Variants in KIF17 observed in about 807,000 individuals in gnomAD.
KIF17 encodes the protein kinesin family member 17.
Under a neutral mutation model 96.8 loss-of-function variants are expected in KIF17, and 80 were observed. That is an observed-to-expected ratio of 0.83 (90% CI 0.69 to 1.00). The LOEUF is 1.00. Among genes scored for constraint, KIF17 ranks in the 50% least tolerant of loss-of-function variants. The pLI is 0.00. For missense variants in KIF17, 1,280 were observed against 1,372.9 expected, an observed-to-expected ratio of 0.93 and a Z score of 1.07; for synonymous variants, 567 against 587.5, an observed-to-expected ratio of 0.97 and a Z score of 0.51.
At chr1:20,713,390 G>A (rs2054516552) in intron 3 of KIF17, 64 bp downstream of exon 3, 1 of 1,164,866 alleles carries the variant, frequency 8.6e-7, no homozygotes, top group South Asian at 1.2e-5. Context: ...ATTTCTGAGG[G>A]AGCAGCACCA....
chr1:20,664,330 GA>G lies in KIF17; in HGVS notation c.*253del. Reference sequence around the variant, plus strand: ...GGGCTCTGTGGCAGGTGAGCAGACGGAAACACTGATGTGGTATGAACAGCTG... The same window carrying G: ...GGGCTCTGTGGCAGGTGAGCAGACGGAACACTGATGTGGTATGAACAGCTG... On this transcript the variant is annotated 3_prime_UTR_variant, in exon 15 of 15. Coordinates refer to ENST00000400463, the MANE Select transcript of KIF17 (RefSeq NM_001122819.3). The G allele has an allele frequency of 7.1e-7, 1 of 1,400,048 alleles. No individual in the cohort carries two copies. The highest frequency in any genetic ancestry group is 9.3e-7 in the Non-Finnish European group (1 of 1,076,892). The allele number at this position is 1,400,048 out of a possible 1,614,324, so 86.7% of individuals were successfully genotyped here. A position where few individuals can be genotyped will look rare whatever the true frequency, so the allele number is the denominator to read the frequency against.
At chr1:20,684,744 T>C in intron 10 of KIF17, 65 bp downstream of exon 10, 1 of 1,474,054 alleles carries the variant, frequency 6.8e-7, no homozygotes, top group South Asian at 1.2e-5. Flanking sequence ...CCCGCCTCCA[T>C]CCTGGAAGGC....
At chr1:20,712,882 A>ATAGAAATATTATCTATATC (rs1553153031) in intron 3 of KIF17, among the ~76,000 whole-genome samples, 1 of 83,208 alleles carries the variant, frequency 1.2e-5, no homozygotes, top group African/African-American at 5.9e-5. Context: ...TTATCTATAT[A>ATAGAAATATTATCTATATC]TAATATAGAT....
rs558640559 is a variant in KIF17 at position 20,688,940 on chromosome 1, A to AG, written c.1382-997dup. ...CATGGGCCCCTTAGTGCTCCAGTTC[A>AG]GGGGGCTCCCGGCGCCTCTCATACC... On this transcript the variant is annotated intron_variant, in intron 7 of 14. Coordinates refer to ENST00000400463, the MANE Select transcript of KIF17 (RefSeq NM_001122819.3). Among the ~76,000 whole-genome samples, 8 of 152,270 alleles carry AG rather than the reference A, an allele frequency of 5.3e-5. No homozygotes were observed. In the South Asian group the frequency reaches 1.7e-3, roughly 32 times the overall value.
Position 20,664,394 on chromosome 1 carries a change from G to C in KIF17, c.*190C>G. 2.0e-6 allele frequency: 3 copies of C among 1,488,706 alleles called. No homozygotes were observed. Among genetic ancestry groups the C allele is most frequent in the Non-Finnish European group, 2.7e-6 (3 of 1,123,732 alleles). 92.2% of individuals were successfully genotyped at this position (1,488,706 alleles called of 1,614,324 possible). A position where few individuals can be genotyped will look rare whatever the true frequency, so the allele number is the denominator to read the frequency against. On this transcript the variant is annotated 3_prime_UTR_variant, in exon 15 of 15. Transcript: ENST00000400463. ...CTAAGGAGGACTATACAGCCTCCGA[G>C]GGGCTCCTGCCCAGGGCGGAGGTGG...
intron 1 of KIF17, 200 bp downstream of exon 1, chr1:20,717,276 A>G (rs753388174): frequency 8.5e-5 from 51 of 600,294 alleles, no homozygotes; most frequent in Middle Eastern, 4.4e-4. Flanking sequence ...CGCTGGGGAT[A>G]GTGCAGACCC....
At chr1:20,713,257 A>G (rs1394460541) in intron 3 of KIF17, among the ~76,000 whole-genome samples, 197 bp downstream of exon 3, 2 of 150,802 alleles carry the variant, frequency 1.3e-5, no homozygotes, top group African/African-American at 4.9e-5. Context: ...TGGCCTCCCA[A>G]AGTGTTAGGA....
intron 1 of KIF17, 127 bp downstream of exon 1, chr1:20,717,349 C>G (rs1045361040): frequency 3.8e-6 from 4 of 1,041,970 alleles, no homozygotes; most frequent in Non-Finnish European, 5.6e-6. Context: ...CCGGACCTAC[C>G]TGTTCCCGTC....
At position 20,704,845 on chromosome 1, in the gene KIF17, G is replaced by A. The variant is rs758850766; in HGVS notation, c.725C>T (p.Ala242Val). 4 of 1,604,176 alleles carry A rather than the reference G, an allele frequency of 2.5e-6. No individual in the cohort carries two copies. The highest frequency in any genetic ancestry group is 3.4e-6 in the Non-Finnish European group (4 of 1,179,886). The change falls in exon 5 of 15, where the codon GCG (alanine) becomes GTG (valine). Residue 242 changes from alanine to valine, a missense_variant. By Grantham distance (64) the Ala-to-Val change is moderately conservative. Transcript: ENST00000400463. This position sits in a 1 kb window ranked among gnomAD's most constrained non-coding sequence, Gnocchi z 6.8. ...GGTCTTGGACTGCCGCTCGCTGCCC[G>A]CCAGGTCCACCAGGTTCAGCTTGCC... ...RAGKLNLVDL[A>V]GSERQSKTGA...
Position 20,709,523 on chromosome 1 carries a change from T to C in KIF17, c.670+116A>G. ...TCCTCTTGGGTTTCCTCCAGGCTGT[T>C]AGAGCATCTCTTCCCACTTTCCAGG... On this transcript the variant is annotated intron_variant, in intron 4 of 14. Transcript: ENST00000400463. The surrounding 1 kb of genome is among the most constrained non-coding windows in gnomAD (Gnocchi z 4.7). 5 of 1,148,694 alleles carry C rather than the reference T, an allele frequency of 4.4e-6. No individual in the cohort carries two copies. Among genetic ancestry groups the C allele is most frequent in the Non-Finnish European group, 6.5e-6 (5 of 768,364 alleles). The allele number at this position is 1,148,694 out of a possible 1,614,324, so 71.2% of individuals were successfully genotyped here.
chr1:20,700,443 G>T lies in KIF17; in HGVS notation c.1124-1955C>A, dbSNP rs1451632706. 6.6e-6 allele frequency among the ~76,000 whole-genome samples: 1 copy of T among 152,206 alleles called. No individual in the cohort carries two copies. Among genetic ancestry groups the T allele is most frequent in the African/African-American group, 2.4e-5 (1 of 41,460 alleles). On this transcript the variant is annotated intron_variant, in intron 5 of 14. Coordinates refer to ENST00000400463, the MANE Select transcript of KIF17 (RefSeq NM_001122819.3). This position sits in a 1 kb window ranked among gnomAD's most constrained non-coding sequence, Gnocchi z 4.6. ...ACTGGATGTAGATTTGAGAGAACGT[G>T]AGAAGCCAGGGGCGACCCCAAGTGT...
Position 20,704,869 on chromosome 1 carries a change from C to T in KIF17, c.701G>A (p.Gly234Asp), listed in dbSNP as rs2154537263. The T allele has an allele frequency of 1.2e-6, 2 of 1,601,978 alleles. No homozygotes were observed. Residue 234 changes from glycine to aspartate, a missense_variant, in exon 5 of 15, where the codon GGC becomes GAC. Gly to Asp is a moderately conservative substitution (Grantham distance 94, BLOSUM62 -1). Coordinates refer to ENST00000400463, the MANE Select transcript of KIF17 (RefSeq NM_001122819.3). This position sits in a 1 kb window ranked among gnomAD's most constrained non-coding sequence, Gnocchi z 6.8. ...DERGKDHLRA[G>D]KLNLVDLAGS... ...CGCCAGGTCCACCAGGTTCAGCTTG[C>T]CCGCCCGGAGGTGGTCCTTGCCCCG...
chr1:20,703,170 G>GATGA (rs1553151974), intron 5 of KIF17, among the ~76,000 whole-genome samples: 77 of 145,086 alleles, frequency 5.3e-4, no homozygotes, highest in Non-Finnish European at 8.9e-4. Context: ...GATGGAGATG[G>GATGA]ATGGATGAAT....
chr1:20,709,576 G>A lies in KIF17; in HGVS notation c.670+63C>T, dbSNP rs1179467517. On this transcript the variant is annotated intron_variant, in intron 4 of 14. Transcript: ENST00000400463. This position sits in a 1 kb window ranked among gnomAD's most constrained non-coding sequence, Gnocchi z 4.7. ...CTCCTGCGGCCCCGAGAGGTGGCGT[G>A]CCTTGGCTAGTGGGAGTGGCTGGGT... 1.3e-6 allele frequency: 2 copies of A among 1,583,554 alleles called. No individual in the cohort carries two copies. The highest frequency in any genetic ancestry group is 1.1e-5 in the South Asian group (1 of 90,396).
chr1:20,667,275 T>C (rs2053546160), intron 13 of KIF17, among the ~76,000 whole-genome samples: 1 of 152,120 alleles, frequency 6.6e-6, no homozygotes, highest in South Asian at 2.1e-4. Context: ...GCAAACCCTA[T>C]TGTGAACTGC....
intron 6 of KIF17, among the ~76,000 whole-genome samples, chr1:20,691,946 T>C (rs2054046641): frequency 6.6e-6 from 1 of 152,230 alleles, no homozygotes; most frequent in African/African-American, 2.4e-5. Flanking sequence ...CCATCTTTGC[T>C]ATCACTGCCA....
chr1:20,663,220 A>G (rs1179501515), downstream of KIF17, among the ~76,000 whole-genome samples: 1 of 152,136 alleles, frequency 6.6e-6, no homozygotes, highest in African/African-American at 2.4e-5. Flanking sequence ...AGCGAGACTC[A>G]GTCTCAAAGA....
At chr1:20,684,004 C>T (rs1226478618) in intron 10 of KIF17, among the ~76,000 whole-genome samples, 7 of 152,270 alleles carry the variant, frequency 4.6e-5, no homozygotes, top group Non-Finnish European at 8.8e-5. Context: ...GGCTGCCACG[C>T]TGCAGGCAAT....
intron 7 of KIF17, among the ~76,000 whole-genome samples, chr1:20,689,204 C>T (rs2053992816): frequency 6.6e-6 from 1 of 152,132 alleles, no homozygotes; most frequent in Non-Finnish European, 1.5e-5. Flanking sequence ...GGTAATGTGC[C>T]AACAAGCGGT....
Sources: gnomAD v4.1 joint callset for allele counts (sites outside exome capture counted in the v4.1 genomes callset) on GRCh38, gnomAD v4.1.1 for gene constraint, Gnocchi (gnomAD v3.1) non-coding constraint, MANE v1.5 for transcripts, NCBI Gene and HGNC (gene_info 2026-07-23, HGNC 2026-07-21) for gene names.